Variants in ESRRB observed in about 807,000 individuals in gnomAD.
ESRRB encodes the protein estrogen related receptor beta, also known as steroid hormone receptor ERR2.
Under a neutral mutation model 46.0 loss-of-function variants are expected in ESRRB, and 16 were observed. That is an observed-to-expected ratio of 0.35 (90% CI 0.24 to 0.53). The LOEUF (loss-of-function observed/expected upper bound fraction) is 0.53. Among genes scored for constraint, ESRRB ranks in the 20% least tolerant of loss-of-function variants. The pLI is 0.93. For synonymous variants in ESRRB, 246 were observed against 259.6 expected (o/e 0.95, Z 0.50); for missense variants, 488 against 607.4 (o/e 0.80, Z 2.07).
intron 1 of ESRRB, among the ~76,000 whole-genome samples, chr14:76,394,938 AG>A: frequency 6.6e-6 from 1 of 152,182 alleles, no homozygotes. Flanking sequence ...ATTTTGATAG[AG>A]GGAAAACTGG....
chr14:76,428,991 T>C (rs986965338), intron 1 of ESRRB, among the ~76,000 whole-genome samples: 7 of 152,132 alleles, frequency 4.6e-5, no homozygotes, highest in African/African-American at 1.2e-4. Flanking sequence ...TGGGTCATCC[T>C]GCAGCCCTGG....
chr14:76,479,247 G>A (rs74070234), intron 3 of ESRRB, among the ~76,000 whole-genome samples: 2 of 142,378 alleles, frequency 1.4e-5, no homozygotes, highest in African/African-American at 5.4e-5. Flanking sequence ...GTGTGCATGC[G>A]TGCGTGTGTG....
chr14:76,439,776 G>A (rs752984128), intron 2 of ESRRB, 26 bp downstream of exon 2: 3 of 1,610,126 alleles, frequency 1.9e-6, no homozygotes, highest in Non-Finnish European at 1.7e-6. Context: ...CAAGGAGCCT[G>A]GGCGCAGGGT....
At chr14:76,428,770 A>T (rs1354660662) in intron 1 of ESRRB, among the ~76,000 whole-genome samples, 1 of 152,174 alleles carries the variant, frequency 6.6e-6, no homozygotes, top group East Asian at 1.9e-4. Context: ...CAGCCTGGAA[A>T]ATCATGGATA....
intron 2 of ESRRB, among the ~76,000 whole-genome samples, chr14:76,458,620 G>T (rs1220626609): frequency 6.6e-6 from 1 of 152,152 alleles, no homozygotes; most frequent in Non-Finnish European, 1.5e-5. Context: ...GCAGCAGCCT[G>T]TGGCCTTATC....
Position 76,500,720 on chromosome 14 carries a change from A to G in ESRRB, c.*2262A>G, listed in dbSNP as rs540280918. 1 of 1,613,934 alleles carries G rather than the reference A, an allele frequency of 6.2e-7. No homozygotes were observed. The highest frequency in any genetic ancestry group is 8.5e-7 in the Non-Finnish European group (1 of 1,179,866). ...GGAAAGCATCTCTGGCTCACCATGTAACATCTGGCTTGGAGCAAGTGGGTG... is the reference window on the plus strand; with the variant it reads ...GGAAAGCATCTCTGGCTCACCATGTGACATCTGGCTTGGAGCAAGTGGGTG... On this transcript the variant is annotated 3_prime_UTR_variant, in exon 7 of 7. Transcript: ENST00000644823.
intron 1 of ESRRB, among the ~76,000 whole-genome samples, chr14:76,419,938 G>A (rs1219362294): frequency 6.6e-6 from 1 of 152,146 alleles, no homozygotes; most frequent in East Asian, 1.9e-4. Flanking sequence ...GATGGAGAGG[G>A]TCTGTCTCAT....
chr14:76,373,454 C>T (rs1884671069), upstream of ESRRB, among the ~76,000 whole-genome samples: 1 of 152,164 alleles, frequency 6.6e-6, no homozygotes, highest in Non-Finnish European at 1.5e-5. Context: ...GCCTCTCCAG[C>T]CAGAGGCATG....
chr14:76,498,644 G>GT lies in ESRRB; in HGVS notation c.*186_*187insT. 5 of 462,808 alleles carry GT rather than the reference G, an allele frequency of 1.1e-5. No homozygotes were observed. Among genetic ancestry groups the GT allele is most frequent in the Non-Finnish European group, 2.1e-5 (5 of 240,398 alleles). 28.7% of individuals were successfully genotyped at this position (462,808 alleles called of 1,614,324 possible). Reference sequence around the variant, plus strand: ...CGGGTGCAGTGGGGTGGGGGACGGGGATGGGGGGGCAGGGGTGTGGGGCTC... The same window carrying GT: ...CGGGTGCAGTGGGGTGGGGGACGGGGTATGGGGGGGCAGGGGTGTGGGGCTC... On this transcript the variant is annotated 3_prime_UTR_variant, in exon 7 of 7. Transcript: ENST00000644823.
At chr14:76,389,187 C>A (rs991290840) in intron 1 of ESRRB, among the ~76,000 whole-genome samples, 2 of 152,204 alleles carry the variant, frequency 1.3e-5, no homozygotes, top group African/African-American at 4.8e-5. Context: ...GTCTGCTTAG[C>A]AAACTTCTAT....
chr14:76,498,701 T>G lies in ESRRB; in HGVS notation c.*243T>G. On this transcript the variant is annotated 3_prime_UTR_variant, in exon 7 of 7. Transcript: ENST00000644823. ...AACTGGCTTTTTCTTTGGTATGTCT[T>G]TCCTTCTCCATGGACGGTGCGGAGG... 1 of 1,366,132 alleles carries G rather than the reference T, an allele frequency of 7.3e-7. No homozygotes were observed. The highest frequency in any genetic ancestry group is 1.0e-6 in the Non-Finnish European group (1 of 975,092). 84.6% of individuals were successfully genotyped at this position (1,366,132 alleles called of 1,614,324 possible).
At chr14:76,450,142 A>AGG (rs11318009) in intron 2 of ESRRB, among the ~76,000 whole-genome samples, 1 of 150,242 alleles carries the variant, frequency 6.7e-6, no homozygotes. Context: ...TGACTGAGAA[A>AGG]GGGGGGGGGT....
intron 1 of ESRRB, among the ~76,000 whole-genome samples, chr14:76,398,704 A>T (rs1162897926): frequency 6.6e-6 from 1 of 152,182 alleles, no homozygotes; most frequent in Non-Finnish European, 1.5e-5. Flanking sequence ...CAACCATTCC[A>T]GTTCCCAGAT....
chr14:76,491,518 G>A lies in ESRRB; in HGVS notation c.922G>A (p.Gly308Ser). The part of the protein sequence containing the change: ...QSAWMEILIL[G>S]IVYRSLPYDD... ...TGCCTGGATGGAAATCCTCATCCTG[G>A]GCATCGTGTACCGCTCGCTGCCCTA... The change falls in exon 6 of 7, where the codon GGC becomes AGC. Residue 308 changes from glycine to serine, a missense_variant. By Grantham distance (56) the Gly-to-Ser change is moderately conservative. Transcript: ENST00000644823. The A allele has an allele frequency of 1.2e-6, 2 of 1,601,918 alleles. No individual in the cohort carries two copies. The highest frequency in any genetic ancestry group is 1.7e-6 in the Non-Finnish European group (2 of 1,174,612).
chr14:76,446,331 A>G (rs1209866072), intron 2 of ESRRB, among the ~76,000 whole-genome samples: 1 of 150,850 alleles, frequency 6.6e-6, no homozygotes, highest in Non-Finnish European at 1.5e-5. Context: ...ACCCTGCCCA[A>G]TTCTATGCTA....
At chr14:76,370,711 A>G (rs752353425), upstream of ESRRB, among the ~76,000 whole-genome samples, 2 of 152,104 alleles carry the variant, frequency 1.3e-5, no homozygotes, top group East Asian at 1.9e-4. Flanking sequence ...TAAAGCTATT[A>G]CAGTCATAAT....
At chr14:76,384,621 G>A (rs1885145028) in intron 1 of ESRRB, among the ~76,000 whole-genome samples, 1 of 152,114 alleles carries the variant, frequency 6.6e-6, no homozygotes, top group Non-Finnish European at 1.5e-5. Flanking sequence ...GTGATGCTGT[G>A]CCAAGTTTGA....
intron 1 of ESRRB, among the ~76,000 whole-genome samples, chr14:76,337,557 C>T (rs948963570): frequency 2.0e-5 from 3 of 151,408 alleles, no homozygotes; most frequent in Non-Finnish European, 2.9e-5. Context: ...TGTGTGTGGG[C>T]GGGGGCTGGA....
intron 1 of ESRRB, among the ~76,000 whole-genome samples, chr14:76,363,051 C>A (rs1884482308): frequency 6.6e-6 from 1 of 152,226 alleles, no homozygotes; most frequent in Admixed American, 6.5e-5. Context: ...GACCCATCCT[C>A]TACCCTATCC....
Sources: gnomAD v4.1 joint callset for allele counts (sites outside exome capture counted in the v4.1 genomes callset) on GRCh38, gnomAD v4.1.1 for gene constraint, MANE v1.5 for transcripts, NCBI Gene and HGNC (gene_info 2026-07-23, HGNC 2026-07-21) for gene names.